SPMIP6: variants seen among roughly 807,000 people sequenced by gnomAD.
SPMIP6 encodes sperm microtubule inner protein 6.
the SPMIP6 span, chr9:34,381,206 A>G: frequency 6.4e-7 from 1 of 1,557,514 alleles, no homozygotes; most frequent in Non-Finnish European, 8.7e-7. The surrounding 1 kb of genome is among the most constrained non-coding windows in gnomAD (Gnocchi z 4.4). Context: ...AGTCACGGAC[A>G]GAGTGAGGCG....
chr9:34,383,322 G>A, the SPMIP6 span, among the ~76,000 whole-genome samples: 1 of 152,166 alleles, frequency 6.6e-6, no homozygotes, highest in Non-Finnish European at 1.5e-5. Context: ...TCAGGAGTTC[G>A]AGACCAGCCT....
chr9:34,381,575 C>G, the SPMIP6 span: 43 of 1,498,360 alleles, frequency 2.9e-5, no homozygotes, highest in Non-Finnish European at 3.7e-5. This position sits in a 1 kb window ranked among gnomAD's most constrained non-coding sequence, Gnocchi z 4.4. Flanking sequence ...CCCCACCTCT[C>G]CAGGGCTCTG....
At chr9:34,391,011 T>C in the SPMIP6 span, among the ~76,000 whole-genome samples, 1 of 152,238 alleles carries the variant, frequency 6.6e-6, no homozygotes, top group East Asian at 1.9e-4. Flanking sequence ...ACAGAGTTTG[T>C]ATAAGATTAA....
the SPMIP6 span, among the ~76,000 whole-genome samples, chr9:34,382,478 G>A: frequency 9.9e-5 from 15 of 152,272 alleles, no homozygotes; most frequent in South Asian, 1.5e-3. Context: ...CCAGCTGCTC[G>A]GGAGTGTGAG....
At chr9:34,381,632 CG>C in the SPMIP6 span, 1 of 1,434,590 alleles carries the variant, frequency 7.0e-7, no homozygotes, top group Non-Finnish European at 9.2e-7. This position sits in a 1 kb window ranked among gnomAD's most constrained non-coding sequence, Gnocchi z 4.4. Flanking sequence ...CCAACAGGGG[CG>C]GGGTGGGGTA....
the SPMIP6 span, among the ~76,000 whole-genome samples, chr9:34,388,097 AC>A: frequency 2.0e-5 from 3 of 148,454 alleles, no homozygotes; most frequent in Non-Finnish European, 4.4e-5. Context: ...GTGGGCAGTT[AC>A]CCTGTGGCAT....
chr9:34,381,642 T>A, the SPMIP6 span: 1 of 1,429,780 alleles, frequency 7.0e-7, no homozygotes, highest in Non-Finnish European at 9.2e-7. This position sits in a 1 kb window ranked among gnomAD's most constrained non-coding sequence, Gnocchi z 4.4. Context: ...CGGGGTGGGG[T>A]AGGAAGGGCT....
At chr9:34,381,057 C>G in the SPMIP6 span, 1 of 1,611,738 alleles carries the variant, frequency 6.2e-7, no homozygotes, top group Non-Finnish European at 8.5e-7. The surrounding 1 kb of genome is among the most constrained non-coding windows in gnomAD (Gnocchi z 4.4). Flanking sequence ...TCCACGCACC[C>G]GCATCGGGGC....
At chr9:34,381,661 A>T in the SPMIP6 span, 8 of 1,415,716 alleles carry the variant, frequency 5.7e-6, no homozygotes, top group Non-Finnish European at 7.4e-6. This position sits in a 1 kb window ranked among gnomAD's most constrained non-coding sequence, Gnocchi z 4.4. Flanking sequence ...CTGAAGGTGG[A>T]TGGGGTTTGG....
At chr9:34,381,303 C>A in the SPMIP6 span, 1 of 1,608,032 alleles carries the variant, frequency 6.2e-7, no homozygotes, top group South Asian at 1.1e-5. This position sits in a 1 kb window ranked among gnomAD's most constrained non-coding sequence, Gnocchi z 4.4. Flanking sequence ...ACCCATCCCG[C>A]CCTCCTCCCG....
At chr9:34,397,444 C>G in the SPMIP6 span, 2 of 1,566,662 alleles carry the variant, frequency 1.3e-6, no homozygotes, top group East Asian at 4.5e-5. Flanking sequence ...CATTGCCAGG[C>G]ATCCAGACTG....
At chr9:34,383,339 C>T in the SPMIP6 span, among the ~76,000 whole-genome samples, 2 of 152,212 alleles carry the variant, frequency 1.3e-5, no homozygotes, top group Admixed American at 1.3e-4. Context: ...GCCTGGCCAA[C>T]ATGGCAAAAT....
chr9:34,381,661 A>G, the SPMIP6 span: 4 of 1,415,716 alleles, frequency 2.8e-6, no homozygotes, highest in Non-Finnish European at 3.7e-6. This position sits in a 1 kb window ranked among gnomAD's most constrained non-coding sequence, Gnocchi z 4.4. Context: ...CTGAAGGTGG[A>G]TGGGGTTTGG....
At chr9:34,380,571 C>G in the SPMIP6 span, 6 of 1,359,888 alleles carry the variant, frequency 4.4e-6, no homozygotes, top group Non-Finnish European at 5.8e-6. Context: ...GAAGAGGATG[C>G]GACTGATGTG....
chr9:34,397,004 C>T, the SPMIP6 span, among the ~76,000 whole-genome samples: 1 of 152,194 alleles, frequency 6.6e-6, no homozygotes, highest in East Asian at 1.9e-4. Flanking sequence ...AACTGTGATA[C>T]ATATAGATAA....
chr9:34,390,281 ATTTT>A, the SPMIP6 span, among the ~76,000 whole-genome samples: 3 of 152,028 alleles, frequency 2.0e-5, no homozygotes, highest in Non-Finnish European at 4.4e-5. Context: ...TTTTGTATAT[ATTTT>A]TTATCAGGTT....
At chr9:34,391,722 C>T in the SPMIP6 span, among the ~76,000 whole-genome samples, 1 of 152,056 alleles carries the variant, frequency 6.6e-6, no homozygotes, top group Non-Finnish European at 1.5e-5. Flanking sequence ...AGGTTAGAGA[C>T]AGTTATTTTG....
chr9:34,382,899 G>T, the SPMIP6 span: 3 of 1,366,662 alleles, frequency 2.2e-6, no homozygotes, highest in East Asian at 6.9e-5. Context: ...ATGTCAAATA[G>T]TGTTACTTCT....
At chr9:34,388,117 AG>A in the SPMIP6 span, among the ~76,000 whole-genome samples, 4 of 149,788 alleles carry the variant, frequency 2.7e-5, no homozygotes, top group East Asian at 5.9e-4. Context: ...ATGAAATAGA[AG>A]GGGTGATTAG....
Sources: allele counts gnomAD v4.1 joint callset (sites outside exome capture counted in the v4.1 genomes callset), GRCh38; gene constraint gnomAD v4.1.1; non-coding constraint Gnocchi (gnomAD v3.1); transcripts MANE v1.5; gene names NCBI Gene and HGNC (gene_info 2026-07-23, HGNC 2026-07-21).